The following LTO1 variants were observed in gnomAD, a reference collection of about 807,000 sequenced individuals.
LTO1 encodes the protein protein LTO1 homolog.
Under a neutral mutation model 19.8 loss-of-function variants are expected in LTO1, and 18 were observed. That is an observed-to-expected ratio of 0.91 (90% CI 0.63 to 1.35). The LOEUF (loss-of-function observed/expected upper bound fraction) is 1.35. Among genes scored for constraint, LTO1 ranks in the 40% most tolerant of loss-of-function variants. The probability of loss-of-function intolerance (pLI) is 0.00; values close to 1 mark genes in which losing one functional copy is unlikely to be tolerated. For missense variants in LTO1, 175 were observed against 167.9 expected (o/e 1.04, Z -0.23); for synonymous variants, 59 against 59.6 (o/e 0.99, Z 0.05).
intron 3 of LTO1, among the ~76,000 whole-genome samples, chr11:69,670,917 T>C (rs1856099641): frequency 6.6e-6 from 1 of 151,264 alleles, no homozygotes; most frequent in African/African-American, 2.5e-5. Context: ...TTGTTTGTTT[T>C]TGAGAAGGAG....
At chr11:69,672,587 T>C (rs1292982142) in intron 2 of LTO1, 1 of 158,430 alleles carries the variant, frequency 6.3e-6, no homozygotes, top group Non-Finnish European at 1.4e-5. Flanking sequence ...TATGTTCACA[T>C]GACAGAGGGC....
In LTO1 at chr11:69,671,760, A is replaced by C. The variant is rs750591644; in HGVS notation, c.216T>G (p.Thr72=). 10 of 1,588,750 alleles carry C rather than the reference A, an allele frequency of 6.3e-6. No individual in the cohort carries two copies. In the African/African-American group the frequency reaches 1.2e-4, roughly 19 times the overall value. Residue 72 remains threonine (T), a synonymous_variant, in exon 3 of 5, where the codon ACT becomes ACG. Transcript: ENST00000279147. ...AWKCLLHSCT[T]EKDSRKMKVL... ...ATCTCCACCTTTACCTGTCCTTCTC[A>C]GTGGTGCAACTGTGCAGTAGACATT...
intron 3 of LTO1, among the ~76,000 whole-genome samples, chr11:69,669,075 G>C (rs543394595): frequency 1.3e-5 from 2 of 151,378 alleles, no homozygotes; most frequent in South Asian, 4.2e-4. Context: ...CTCCAGCACA[G>C]AGTAGGTGCT....
At chr11:69,670,467 C>T (rs576454102) in intron 3 of LTO1, among the ~76,000 whole-genome samples, 426 of 152,322 alleles carry the variant, frequency 2.8e-3, no homozygotes, top group African/African-American at 8.5e-3. Flanking sequence ...AGCTGCCGGC[C>T]GCTGCCTGAG....
chr11:69,668,667 T>C (rs2119837822), intron 3 of LTO1, among the ~76,000 whole-genome samples: 1 of 96,960 alleles, frequency 1.0e-5, no homozygotes, highest in East Asian at 5.1e-4. Flanking sequence ...GAAATTAATT[T>C]CTGTTTTGTT....
At chr11:69,674,935 A>C (rs1215943656) in intron 1 of LTO1, 1 of 687,524 alleles carries the variant, frequency 1.5e-6, no homozygotes, top group Non-Finnish European at 2.7e-6. Flanking sequence ...GGCTGAGCAG[A>C]TGTTTGGGGC....
At chr11:69,667,664 C>A in intron 4 of LTO1, 77 bp from the exon 5 acceptor site, 1 of 1,062,396 alleles carries the variant, frequency 9.4e-7, no homozygotes, top group Non-Finnish European at 1.5e-6. Flanking sequence ...CTATCTCTAG[C>A]TATAGCTTTT....
Position 69,673,226 on chromosome 11 carries a change from AT to A in LTO1, c.145del (p.Ile49SerfsTer31), listed in dbSNP as rs1316207881. 1 of 1,603,272 alleles carries A rather than the reference AT, an allele frequency of 6.2e-7. No homozygotes were observed. Among genetic ancestry groups the A allele is most frequent in the Non-Finnish European group, 8.5e-7 (1 of 1,170,108 alleles). On this transcript the variant is annotated frameshift_variant, in exon 2 of 5. Transcript: ENST00000279147. LOFTEE classifies it high-confidence loss of function. Reference protein sequence around the residue: ...RQHGTLHGAKIGSEIGCYQGF... With the variant: ...RQHGTLHGAKXGSEIGCYQGF... ...GGGGTTCCCACTTACCTCAGACCCG[AT>A]TTTGGCTCCATGCAGCGTGCCATGC... is the stretch of plus-strand genomic sequence containing the variant.
At position 69,667,991 on chromosome 11, in the gene LTO1, T is replaced by C; in HGVS notation, c.249A>G (p.Glu83=). 6.5e-7 allele frequency: 1 copy of C among 1,545,040 alleles called. No homozygotes were observed. The highest frequency in any genetic ancestry group is 9.0e-7 in the Non-Finnish European group (1 of 1,117,110). The change falls in exon 4 of 5, where the codon GAA becomes GAG. Residue 83 remains glutamate (E), a synonymous_variant. Transcript: ENST00000279147. ...EKDSRKMKVL[E]SLIGMIQKFP... ...ATTTCTGGATCATTCCAATCAATGA[T>C]TCTAAGACCTTCATCTTTCTGCTGT...
rs754087386 is a variant in LTO1, at chr11:69,671,764, G to C, written c.212C>G (p.Thr71Ser). The C allele has an allele frequency of 2.5e-6, 4 of 1,593,124 alleles. No homozygotes were observed. Among genetic ancestry groups the C allele is most frequent in the Non-Finnish European group, 3.4e-6 (4 of 1,160,832 alleles). ...FAWKCLLHSC[T>S]TEKDSRKMKV... Reference sequence around the variant, plus strand: ...CCACCTTTACCTGTCCTTCTCAGTGGTGCAACTGTGCAGTAGACATTTCCA... The same window carrying C: ...CCACCTTTACCTGTCCTTCTCAGTGCTGCAACTGTGCAGTAGACATTTCCA... Residue 71 changes from threonine (T) to serine (S), a missense_variant, in exon 3 of 5, where the codon ACC becomes AGC. Physicochemically the swap from Thr to Ser is moderately conservative, Grantham distance 58. Transcript: ENST00000279147.
At position 69,667,921 on chromosome 11, in the gene LTO1, C is replaced by G. The variant is rs1043413103; in HGVS notation, c.319G>C (p.Asp107His). ...PTYDKLHEDL[D>H]KIRGKFKQFC... ...TGTTTAAATTTTCCTCTGATCTTGT[C>G]TAAGTCTTCATGGAGTTTATCGTAA... Residue 107 changes from aspartate to histidine, a missense_variant, in exon 4 of 5, where the codon GAC (aspartate) becomes CAC (histidine). Physicochemically the swap from Asp to His is moderately conservative, Grantham distance 81. Coordinates refer to ENST00000279147, the MANE Select transcript of LTO1 (RefSeq NM_153451.3). The G allele has an allele frequency of 6.4e-7, 1 of 1,560,058 alleles. No individual in the cohort carries two copies. The highest frequency in any genetic ancestry group is 8.8e-7 in the Non-Finnish European group (1 of 1,130,758).
intron 2 of LTO1, 200 bp downstream of exon 2, chr11:69,673,016 G>A: frequency 1.6e-6 from 1 of 631,712 alleles, no homozygotes; most frequent in East Asian, 3.1e-5. Context: ...TGGTCAGGCT[G>A]GTCTCCAACT....
chr11:69,673,540 T>A lies in LTO1; in HGVS notation c.51-219A>T, dbSNP rs527505456. Among the ~76,000 whole-genome samples the A allele has an allele frequency of 3.3e-5, 5 of 152,282 alleles. No individual in the cohort carries two copies. In the South Asian group the frequency reaches 1.0e-3, roughly 32 times the overall value. ...TACCTCTTGTAGCCCAGTTTCTTCATCTACAACAAAGGGCTAAATTAGGGA... is the reference window on the plus strand; with the variant it reads ...TACCTCTTGTAGCCCAGTTTCTTCAACTACAACAAAGGGCTAAATTAGGGA... On this transcript the variant is annotated intron_variant, in intron 1 of 4. Coordinates refer to ENST00000279147, the MANE Select transcript of LTO1 (RefSeq NM_153451.3).
rs139054718 is a variant in LTO1 at position 69,666,586 on chromosome 11, G to A, written c.*933C>T. On this transcript the variant is annotated 3_prime_UTR_variant, in exon 5 of 5. Transcript: ENST00000279147. ...TCCTAGGAGAGGGGAGAATGCAGGA[G>A]GCTATACGCATGGTTCTCAAAGCTT... 56 of 152,406 alleles carry A rather than the reference G, an allele frequency of 3.7e-4. No homozygotes were observed. The highest frequency in any genetic ancestry group is 1.2e-3 in the African/African-American group (51 of 41,592). The allele number at this position is 152,406 out of a possible 1,614,324, so 9.4% of individuals were successfully genotyped here.
At chr11:69,672,976 A>G in intron 2 of LTO1, 1 of 504,014 alleles carries the variant, frequency 2.0e-6, no homozygotes, top group Non-Finnish European at 3.8e-6. Flanking sequence ...CTAATTCAGT[A>G]TTTTTAGTAG....
chr11:69,673,415 G>T, intron 1 of LTO1, 94 bp from the exon 2 acceptor site: 2 of 816,202 alleles, frequency 2.5e-6, no homozygotes, highest in Non-Finnish European at 4.1e-6. Flanking sequence ...GACCCAGTAA[G>T]ACAAACCAGA....
chr11:69,667,147 T>G lies in LTO1; in HGVS notation c.*372A>C. ...CATTCGGGGCCAACCATCTCTCTCA[T>G]TGCAAATAATAATAATAATAAAAAT... On this transcript the variant is annotated 3_prime_UTR_variant, in exon 5 of 5. Coordinates refer to ENST00000279147, the MANE Select transcript of LTO1 (RefSeq NM_153451.3). 9.9e-6 allele frequency: 2 copies of G among 201,736 alleles called. No individual in the cohort carries two copies. Among genetic ancestry groups the G allele is most frequent in the Non-Finnish European group, 2.0e-5 (2 of 101,144 alleles). 12.5% of individuals were successfully genotyped at this position (201,736 alleles called of 1,614,324 possible).
intron 1 of LTO1, chr11:69,674,831 C>T (rs1272259872): frequency 7.6e-6 from 4 of 527,450 alleles, no homozygotes; most frequent in Non-Finnish European, 1.5e-5. Flanking sequence ...GCCGTATGTC[C>T]TATGATTAAG....
chr11:69,675,308 C>T lies in LTO1; in HGVS notation c.-69G>A. On this transcript the variant is annotated 5_prime_UTR_variant, in exon 1 of 5. Coordinates refer to ENST00000279147, the MANE Select transcript of LTO1 (RefSeq NM_153451.3). ...CGCGGTGCCGTAGCAGACCCGGCAGCTTCAGGCACAAATGCTCCGCTTGGG... is the reference window on the plus strand; with the variant it reads ...CGCGGTGCCGTAGCAGACCCGGCAGTTTCAGGCACAAATGCTCCGCTTGGG... The T allele has an allele frequency of 7.9e-7, 1 of 1,267,370 alleles. No homozygotes were observed. The highest frequency in any genetic ancestry group is 1.6e-5 in the South Asian group (1 of 63,010). 78.5% of individuals were successfully genotyped at this position (1,267,370 alleles called of 1,614,324 possible).
Sources: gnomAD v4.1 joint callset for allele counts (sites outside exome capture counted in the v4.1 genomes callset) on GRCh38, gnomAD v4.1.1 for gene constraint, MANE v1.5 for transcripts, NCBI Gene and HGNC (gene_info 2026-07-23, HGNC 2026-07-21) for gene names.